CUL5: variants seen among roughly 807,000 people sequenced by gnomAD.
CUL5 encodes the protein cullin 5.
A neutral mutation model predicts 108.8 loss-of-function variants in CUL5; 26 were observed. The ratio of observed to expected loss-of-function variants is 0.24; its 90% confidence interval spans 0.18 to 0.33. CUL5 has a LOEUF of 0.33. Ranked by LOEUF, CUL5 falls within the 10% of genes least tolerant of loss-of-function variation. The pLI is 1.00. For synonymous variants in CUL5, 334 were observed against 298.0 expected, an observed-to-expected ratio of 1.12 and a Z score of -1.25; for missense variants, 524 against 909.2, an observed-to-expected ratio of 0.58 and a Z score of 5.45.
intron 2 of CUL5, among the ~76,000 whole-genome samples, chr11:108,036,329 G>T (rs1194232214): frequency 6.6e-6 from 1 of 152,078 alleles, no homozygotes; most frequent in Admixed American, 6.6e-5. Flanking sequence ...AAGAAATTTT[G>T]TCTCACTAAC....
rs575811528 is a variant in CUL5 at position 108,090,645 on chromosome 11, G to A, written c.1443+1022G>A. 7.9e-5 allele frequency among the ~76,000 whole-genome samples: 12 copies of A among 152,014 alleles called. No homozygotes were observed. The South Asian group carries it at 2.5e-3, about 32-fold the overall frequency. On this transcript the variant is annotated intron_variant, in intron 13 of 18. Coordinates refer to ENST00000393094, the MANE Select transcript of CUL5 (RefSeq NM_003478.6). ...AACCTTTAAATGATGGCCTATTTAG[G>A]GTAATCAATGCTGATTATAACTAAA...
At chr11:108,027,301 T>TC (rs995414746) in intron 1 of CUL5, among the ~76,000 whole-genome samples, 12 of 149,260 alleles carry the variant, frequency 8.0e-5, no homozygotes, top group Non-Finnish European at 1.5e-4. Context: ...TGAGACAGTC[T>TC]CCCCCTGCTG....
At chr11:108,022,332 T>A (rs1444515033) in intron 1 of CUL5, among the ~76,000 whole-genome samples, 1 of 152,182 alleles carries the variant, frequency 6.6e-6, no homozygotes, top group Non-Finnish European at 1.5e-5. Flanking sequence ...TGCAAGCCAG[T>A]GGATTTTTCT....
chr11:108,103,803 T>A (rs1214352258), intron 18 of CUL5, among the ~76,000 whole-genome samples: 2 of 152,216 alleles, frequency 1.3e-5, no homozygotes, highest in Non-Finnish European at 2.9e-5. Flanking sequence ...AAAATCTCTA[T>A]AGTCAGATTT....
chr11:108,049,084 A>G (rs1167378408), intron 3 of CUL5, among the ~76,000 whole-genome samples: 1 of 152,290 alleles, frequency 6.6e-6, no homozygotes, highest in South Asian at 2.1e-4. Context: ...CCATCACCCA[A>G]TAATCCCAGA....
At chr11:108,095,795 T>C (rs1864475619) in intron 16 of CUL5, 104 bp downstream of exon 16, 1 of 1,108,126 alleles carries the variant, frequency 9.0e-7, no homozygotes, top group African/African-American at 1.6e-5. Flanking sequence ...TTTCAGAATG[T>C]CTTATCAAGA....
rs376955289 is a variant in CUL5, at chr11:108,069,393, CTG to C, written c.781-701_781-700del. Among the ~76,000 whole-genome samples, 343 of 152,254 alleles carry C rather than the reference CTG, an allele frequency of 2.3e-3. 1 individual carries two copies. Among genetic ancestry groups the C allele is most frequent in the African/African-American group, 7.6e-3 (317 of 41,548 alleles). ...TCTTTCTAGCCTTCTCTTCCACTGT[CTG>C]TTTCTTCTCTACCATTTTAAGCTTC... On this transcript the variant is annotated intron_variant, in intron 7 of 18. Coordinates refer to ENST00000393094, the MANE Select transcript of CUL5 (RefSeq NM_003478.6).
At chr11:108,071,374 C>T (rs1247253358) in intron 8 of CUL5, among the ~76,000 whole-genome samples, 1 of 152,106 alleles carries the variant, frequency 6.6e-6, no homozygotes, top group Non-Finnish European at 1.5e-5. Context: ...GATCCTCCCA[C>T]CTCCCAGCCC....
At chr11:108,030,725 G>A (rs575539942) in intron 1 of CUL5, among the ~76,000 whole-genome samples, 29 of 152,304 alleles carry the variant, frequency 1.9e-4, no homozygotes, top group Admixed American at 1.8e-3. Flanking sequence ...AACTATGTTC[G>A]TGAATATAAG....
chr11:108,106,550 T>C lies in CUL5; in HGVS notation c.*2166T>C, dbSNP rs1305174607. ...AATGTACAGTTTTCTTTTTTTTTTTTTTTTGGTTATGTATACAAAAGTTTT... is the reference window on the plus strand; with the variant it reads ...AATGTACAGTTTTCTTTTTTTTTTTCTTTTGGTTATGTATACAAAAGTTTT... On this transcript the variant is annotated 3_prime_UTR_variant, in exon 19 of 19. Coordinates refer to ENST00000393094, the MANE Select transcript of CUL5 (RefSeq NM_003478.6). 8 of 151,690 alleles carry C rather than the reference T, an allele frequency of 5.3e-5. No individual in the cohort carries two copies. Among genetic ancestry groups the C allele is most frequent in the Non-Finnish European group, 1.0e-4 (7 of 67,778 alleles). 9.4% of individuals were successfully genotyped at this position (151,690 alleles called of 1,614,324 possible).
chr11:108,070,666 G>C (rs1288453501), intron 8 of CUL5, among the ~76,000 whole-genome samples: 1 of 151,608 alleles, frequency 6.6e-6, no homozygotes, highest in African/African-American at 2.4e-5. Flanking sequence ...GATGTGTTTT[G>C]AGAGGTAGCA....
chr11:108,013,757 T>C (rs1862113531), intron 1 of CUL5, among the ~76,000 whole-genome samples: 1 of 152,074 alleles, frequency 6.6e-6, no homozygotes, highest in African/African-American at 2.4e-5. Flanking sequence ...AAAATGGAAA[T>C]GTAAAGCAGT....
intron 3 of CUL5, 118 bp downstream of exon 3, chr11:108,046,487 C>T (rs1159301999): frequency 3.4e-6 from 2 of 579,746 alleles, no homozygotes; most frequent in Non-Finnish European, 5.9e-6. Flanking sequence ...TGACTTTTGA[C>T]ACATTTGTTA....
At position 108,061,527 on chromosome 11, in the gene CUL5, C is replaced by T. The variant is rs146221047; in HGVS notation, c.780+6572C>T. On this transcript the variant is annotated intron_variant, in intron 7 of 18. Transcript: ENST00000393094. ...CAAGTAGAGAAAATACTATAATGAA[C>T]GCTACCCCCATACCCAGTCTTCCAG... 3.4e-3 allele frequency among the ~76,000 whole-genome samples: 524 copies of T among 152,168 alleles called. 4 individuals are homozygous for T. The highest frequency in any genetic ancestry group is 0.012 in the African/African-American group (486 of 41,500).
intron 13 of CUL5, among the ~76,000 whole-genome samples, chr11:108,090,772 G>A (rs1864333392): frequency 6.6e-6 from 1 of 151,776 alleles, no homozygotes; most frequent in African/African-American, 2.4e-5. Flanking sequence ...TATATATGGA[G>A]AGAGAGAGAG....
chr11:108,057,930 G>A (rs117460699), intron 7 of CUL5, among the ~76,000 whole-genome samples: 1 of 152,074 alleles, frequency 6.6e-6, no homozygotes, highest in Admixed American at 6.6e-5. Context: ...AAGAATATTG[G>A]CTGGGTGCAG....
At chr11:108,092,568 A>G (rs911058897) in intron 13 of CUL5, among the ~76,000 whole-genome samples, 4 of 152,244 alleles carry the variant, frequency 2.6e-5, no homozygotes, top group Non-Finnish European at 5.9e-5. Context: ...CTTTGAAAAC[A>G]TAATGCTGAG....
intron 14 of CUL5, 22 bp from the exon 15 acceptor site, chr11:108,094,790 T>C: frequency 1.3e-6 from 2 of 1,521,364 alleles, no homozygotes; most frequent in Non-Finnish European, 1.8e-6. Flanking sequence ...TTACTTTATA[T>C]TCCTGATATT....
chr11:108,051,065 G>T (rs1591299389), intron 4 of CUL5, among the ~76,000 whole-genome samples: 1 of 152,194 alleles, frequency 6.6e-6, no homozygotes, highest in East Asian at 1.9e-4. Flanking sequence ...AAACACTCAG[G>T]CATTACAATA....
Sources: gnomAD v4.1 joint callset for allele counts (sites outside exome capture counted in the v4.1 genomes callset) on GRCh38, gnomAD v4.1.1 for gene constraint, MANE v1.5 for transcripts, NCBI Gene and HGNC (gene_info 2026-07-23, HGNC 2026-07-21) for gene names.